DNAH14: variants seen among roughly 807,000 people sequenced by gnomAD.
The protein encoded by DNAH14 is axonemal beta dynein heavy chain 14.
In DNAH14, 478 loss-of-function variants were observed where a neutral mutation model predicts 520.9. The observed-to-expected ratio is 0.92, with a 90% CI of 0.85 to 0.99. The LOEUF is 0.99. Among genes scored for constraint, DNAH14 ranks in the 50% least tolerant of loss-of-function variants. DNAH14 has a pLI of 0.00. For missense variants in DNAH14, 4,831 were observed against 5,234.5 expected (o/e 0.92, Z 2.38); for synonymous variants, 1,581 against 1,757.2 (o/e 0.90, Z 2.51).
intron 17 of DNAH14, among the ~76,000 whole-genome samples, chr1:225,055,977 A>G (rs2069033916): frequency 2.0e-5 from 3 of 151,984 alleles, no homozygotes; most frequent in Admixed American, 2.0e-4. Context: ...GCTATTGTGA[A>G]TAGTGCTGCA....
chr1:224,934,653 G>C (rs898526056), intron 1 of DNAH14, among the ~76,000 whole-genome samples: 1 of 151,632 alleles, frequency 6.6e-6, no homozygotes, highest in Non-Finnish European at 1.5e-5. Flanking sequence ...AGTCTAGCAA[G>C]AGATTTAGAC....
intron 17 of DNAH14, among the ~76,000 whole-genome samples, chr1:225,052,688 A>G (rs1287462374): frequency 6.6e-6 from 1 of 152,196 alleles, no homozygotes; most frequent in African/African-American, 2.4e-5. Flanking sequence ...TACCATCTAA[A>G]GGAGGAGTGG....
intron 42 of DNAH14, among the ~76,000 whole-genome samples, chr1:225,236,438 CT>C (rs1159746231): frequency 2.0e-5 from 3 of 152,110 alleles, no homozygotes; most frequent in African/African-American, 4.8e-5. Context: ...TGTTTTACTT[CT>C]GATTATGTGA....
chr1:225,166,171 G>T (rs1288363182), intron 35 of DNAH14, among the ~76,000 whole-genome samples: 1 of 152,022 alleles, frequency 6.6e-6, no homozygotes. Context: ...TGCCTCTTGT[G>T]CTAGTTTTAA....
chr1:224,952,697 A>G lies in DNAH14; in HGVS notation c.-6A>G. Reference sequence around the variant, plus strand: ...AGTTCCTTTATAGTTTTGTTCAGAAAAACATATGGAGACGTTTATACCCAT... The same window carrying G: ...AGTTCCTTTATAGTTTTGTTCAGAAGAACATATGGAGACGTTTATACCCAT... On this transcript the variant is annotated 5_prime_UTR_variant, in exon 2 of 86. Transcript: ENST00000682510. The G allele has an allele frequency of 6.4e-7, 1 of 1,571,296 alleles. No individual in the cohort carries two copies. Among genetic ancestry groups the G allele is most frequent in the Non-Finnish European group, 8.6e-7 (1 of 1,164,540 alleles).
chr1:224,995,676 C>G (rs1272748497), intron 8 of DNAH14, among the ~76,000 whole-genome samples: 2 of 151,928 alleles, frequency 1.3e-5, no homozygotes, highest in African/African-American at 2.4e-5. Flanking sequence ...TATTTTGAGA[C>G]TCTTGGATCT....
At chr1:225,014,060 T>C (rs2065020918) in intron 10 of DNAH14, among the ~76,000 whole-genome samples, 1 of 152,130 alleles carries the variant, frequency 6.6e-6, no homozygotes, top group South Asian at 2.1e-4. Context: ...CAGTTTTGTG[T>C]TTGAAACCCA....
intron 71 of DNAH14, among the ~76,000 whole-genome samples, chr1:225,350,045 A>G (rs549368166): frequency 2.0e-5 from 3 of 152,194 alleles, no homozygotes; most frequent in Non-Finnish European, 4.4e-5. Context: ...CACATGTTAG[A>G]CCATAAAACA....
At chr1:225,246,685 TCTCA>T (rs2092301691) in intron 43 of DNAH14, among the ~76,000 whole-genome samples, 4 of 152,312 alleles carry the variant, frequency 2.6e-5, no homozygotes, top group African/African-American at 9.6e-5. Flanking sequence ...TGAGATGCCA[TCTCA>T]CTCCAATTAG....
chr1:224,933,776 A>G (rs2058846553), intron 1 of DNAH14, among the ~76,000 whole-genome samples: 2 of 151,996 alleles, frequency 1.3e-5, no homozygotes, highest in Admixed American at 6.6e-5. Flanking sequence ...TATAAATCCC[A>G]TTTGATCATG....
At chr1:225,360,644 C>G in intron 74 of DNAH14, 37 bp from the exon 75 acceptor site, 3 of 1,498,186 alleles carry the variant, frequency 2.0e-6, no homozygotes, top group Non-Finnish European at 2.7e-6. Flanking sequence ...ATTAAATGAG[C>G]TTACAGTTTT....
intron 42 of DNAH14, among the ~76,000 whole-genome samples, chr1:225,239,141 G>A (rs570722639): frequency 6.6e-6 from 1 of 152,306 alleles, no homozygotes; most frequent in East Asian, 1.9e-4. Flanking sequence ...GAACGATGCT[G>A]TTTGGCTCCC....
intron 46 of DNAH14, among the ~76,000 whole-genome samples, chr1:225,263,144 A>G (rs1043673365): frequency 6.6e-6 from 1 of 151,486 alleles, no homozygotes; most frequent in Non-Finnish European, 1.5e-5. Context: ...AAATGCACAT[A>G]TCAGACTTTT....
Position 225,168,036 on chromosome 1 carries a change from T to G in DNAH14, c.5535+8T>G. 3 of 1,420,554 alleles carry G rather than the reference T, an allele frequency of 2.1e-6. No individual in the cohort carries two copies. Among genetic ancestry groups the G allele is most frequent in the Non-Finnish European group, 2.9e-6 (3 of 1,041,030 alleles). 88.0% of individuals were successfully genotyped at this position (1,420,554 alleles called of 1,614,324 possible). A position where few individuals can be genotyped will look rare whatever the true frequency, so the allele number is the denominator to read the frequency against. On this transcript the variant is annotated splice_region_variant and intron_variant, in intron 36 of 85. Transcript: ENST00000682510. The stretch of plus-strand genomic sequence containing the variant: ...TTTTATAATCAACTTCAGGTAAGTA[T>G]AAAATGGCATGTTAGCAATCCTTTG...
chr1:225,282,115 AT>A (rs1187662635), intron 54 of DNAH14, among the ~76,000 whole-genome samples: 1 of 152,244 alleles, frequency 6.6e-6, no homozygotes, highest in Non-Finnish European at 1.5e-5. Flanking sequence ...TATCATCTAA[AT>A]AAAAATGCTA....
At position 225,043,759 on chromosome 1, in the gene DNAH14, C is replaced by A; in HGVS notation, c.1784C>A (p.Thr595Asn). Reference sequence around the variant, plus strand: ...ATTCTAATAGACACAGAAATTGAGACTGAGTTTGAGAATAAATACATGTAT... The same window carrying A: ...ATTCTAATAGACACAGAAATTGAGAATGAGTTTGAGAATAAATACATGTAT... ...EDIISDTEIETEFENKYMYYE... is the reference protein window; with the variant it reads ...EDIISDTEIENEFENKYMYYE... The change falls in exon 14 of 86, where the codon ACT becomes AAT. Residue 595 changes from threonine (T) to asparagine (N), a missense_variant. By Grantham distance (65) the Thr-to-Asn change is moderately conservative. Coordinates refer to ENST00000682510, the MANE Select transcript of DNAH14 (RefSeq NM_001367479.1). 1.4e-6 allele frequency: 2 copies of A among 1,464,070 alleles called. No homozygotes were observed. Among genetic ancestry groups the A allele is most frequent in the Non-Finnish European group, 1.9e-6 (2 of 1,072,660 alleles). 90.7% of individuals were successfully genotyped at this position (1,464,070 alleles called of 1,614,324 possible).
At chr1:225,074,647 C>T (rs1296473452) in intron 17 of DNAH14, among the ~76,000 whole-genome samples, 2 of 152,164 alleles carry the variant, frequency 1.3e-5, no homozygotes, top group African/African-American at 4.8e-5. Context: ...GAGGTCTTGC[C>T]AAATGAGGAG....
chr1:225,385,159 C>T (rs2095825687), intron 81 of DNAH14, among the ~76,000 whole-genome samples: 1 of 152,092 alleles, frequency 6.6e-6, no homozygotes, highest in East Asian at 1.9e-4. Context: ...GCAGAAAAGG[C>T]CTTCGACAAA....
intron 17 of DNAH14, among the ~76,000 whole-genome samples, chr1:225,072,515 A>G (rs930659305): frequency 6.6e-6 from 1 of 152,106 alleles, no homozygotes; most frequent in Non-Finnish European, 1.5e-5. Flanking sequence ...GTTCCTGTCC[A>G]TATTCTGAAT....
Sources: gnomAD v4.1 joint callset for allele counts (sites outside exome capture counted in the v4.1 genomes callset) on GRCh38, gnomAD v4.1.1 for gene constraint, MANE v1.5 for transcripts, NCBI Gene and HGNC (gene_info 2026-07-23, HGNC 2026-07-21) for gene names.